The following RNF130 variants were observed in gnomAD, a reference collection of about 807,000 sequenced individuals.
RNF130 encodes the protein ring finger protein 130.
Under a neutral mutation model 44.6 loss-of-function variants are expected in RNF130, and 21 were observed. The ratio of observed to expected loss-of-function variants is 0.47; its 90% CI spans 0.33 to 0.68. RNF130 has a LOEUF of 0.68. Among genes scored for constraint, RNF130 ranks in the 30% least tolerant of loss-of-function variants. The pLI is 0.02. For missense variants in RNF130, 479 were observed against 560.6 expected, an observed-to-expected ratio of 0.85 and a Z score of 1.47; for synonymous variants, 214 against 210.4, an observed-to-expected ratio of 1.02 and a Z score of -0.15.
chr5:180,045,530 C>T (rs1764543335), intron 1 of RNF130, among the ~76,000 whole-genome samples: 1 of 152,248 alleles, frequency 6.6e-6, no homozygotes, highest in African/African-American at 2.4e-5. Context: ...AAGTGGACCT[C>T]TGCACGTTGC....
At chr5:179,945,774 C>T (rs994073826) in intron 7 of RNF130, among the ~76,000 whole-genome samples, 18 of 152,116 alleles carry the variant, frequency 1.2e-4, no homozygotes, top group Admixed American at 4.6e-4. Context: ...CTAAATACTA[C>T]GCGCCGCTGC....
rs373694953 is a variant in RNF130 at position 179,992,728 on chromosome 5, AT to A, written c.694-12529del. 1.1e-4 allele frequency among the ~76,000 whole-genome samples: 16 copies of A among 151,902 alleles called. No homozygotes were observed. The East Asian group carries it at 2.1e-3, about 20-fold the overall frequency. On this transcript the variant is annotated intron_variant, in intron 3 of 8. Transcript: ENST00000521389. ...GATTATTTTTTATTTTTTATGGTTT[AT>A]TTATTATTATTATACTTTAAGTTCT...
chr5:179,918,715 A>G (rs528342287), exon 8 of RNF130: 1 of 152,350 alleles, frequency 6.6e-6, no homozygotes, highest in East Asian at 1.9e-4. Flanking sequence ...GGTAAAAGGT[A>G]AAACACAAAA....
At chr5:180,067,443 TA>T in intron 1 of RNF130, among the ~76,000 whole-genome samples, 1 of 152,238 alleles carries the variant, frequency 6.6e-6, no homozygotes, top group Admixed American at 6.5e-5. Flanking sequence ...TCAGAGGCAG[TA>T]AATGTAGATA....
At chr5:179,972,170 C>G (rs1762599975) in intron 5 of RNF130, among the ~76,000 whole-genome samples, 1 of 152,186 alleles carries the variant, frequency 6.6e-6, no homozygotes, top group South Asian at 2.1e-4. Flanking sequence ...CCAGGGCCAG[C>G]TGGACTTTCC....
At chr5:179,913,971 G>T (rs1010935594) in exon 8 of RNF130, 1 of 152,286 alleles carries the variant, frequency 6.6e-6, no homozygotes, top group Non-Finnish European at 1.5e-5. Flanking sequence ...TAGGCACCTT[G>T]TCCCCACCTG....
intron 1 of RNF130, among the ~76,000 whole-genome samples, chr5:180,042,825 C>G (rs1034242851): frequency 1.3e-5 from 2 of 152,178 alleles, no homozygotes; most frequent in Admixed American, 1.3e-4. Context: ...CCTGTGGTCT[C>G]GCATACATGC....
At chr5:179,972,083 A>G (rs1006799003) in intron 5 of RNF130, among the ~76,000 whole-genome samples, 9 of 152,186 alleles carry the variant, frequency 5.9e-5, no homozygotes, top group South Asian at 2.1e-4. Context: ...CCCCAGATAC[A>G]TTCAGTACAC....
chr5:180,002,396 G>T (rs561694694), intron 3 of RNF130, among the ~76,000 whole-genome samples: 4 of 152,194 alleles, frequency 2.6e-5, no homozygotes, highest in African/African-American at 9.7e-5. Context: ...CTTAGCCTTA[G>T]GGACAAAGGG....
At chr5:179,939,091 T>A (rs1268583477) in intron 7 of RNF130, among the ~76,000 whole-genome samples, 7 of 152,004 alleles carry the variant, frequency 4.6e-5, no homozygotes, top group Non-Finnish European at 1.0e-4. Flanking sequence ...TAGCCGGGCA[T>A]GTTTAGTCCC....
At chr5:180,069,249 A>T (rs1245219900) in intron 1 of RNF130, among the ~76,000 whole-genome samples, 1 of 152,210 alleles carries the variant, frequency 6.6e-6, no homozygotes, top group Admixed American at 6.5e-5. Flanking sequence ...GGATTTTTTT[A>T]AATCTGTTTT....
chr5:179,926,258 G>A (rs146279609), intron 7 of RNF130, among the ~76,000 whole-genome samples: 4 of 152,284 alleles, frequency 2.6e-5, no homozygotes, highest in East Asian at 1.9e-4. Context: ...TCATGTGCCC[G>A]ACTACAGCCA....
At chr5:180,054,789 C>T (rs4700854) in intron 1 of RNF130, among the ~76,000 whole-genome samples, 121,573 of 152,146 alleles carry the variant, frequency 0.8, 48,785 homozygotes, top group South Asian at 0.93. Flanking sequence ...GGCACAGGTA[C>T]CTTAACAAAA....
At chr5:180,021,296 A>G (rs770003857) in intron 2 of RNF130, among the ~76,000 whole-genome samples, 5 of 152,084 alleles carry the variant, frequency 3.3e-5, no homozygotes, top group Non-Finnish European at 7.4e-5. Context: ...CCAAAATCTA[A>G]ATTTCTAAAC....
chr5:179,967,035 A>G, intron 6 of RNF130, 25 bp from the exon 7 acceptor site: 1 of 1,590,764 alleles, frequency 6.3e-7, no homozygotes, highest in Non-Finnish European at 8.6e-7. Flanking sequence ...CAGGTTAAAA[A>G]TAATTGTAAG....
chr5:180,029,642 G>A (rs1274464818), intron 2 of RNF130, among the ~76,000 whole-genome samples: 1 of 152,074 alleles, frequency 6.6e-6, no homozygotes, highest in Non-Finnish European at 1.5e-5. Context: ...TTGCTTTTGT[G>A]AACAATACAG....
intron 1 of RNF130, among the ~76,000 whole-genome samples, chr5:180,059,044 T>C (rs1764907554): frequency 2.0e-5 from 3 of 152,178 alleles, no homozygotes; most frequent in South Asian, 2.1e-4. Flanking sequence ...ATTCCTCTTA[T>C]ATAAAGTCCA....
At chr5:179,963,079 A>G (rs2113700139) in intron 8 of RNF130, among the ~76,000 whole-genome samples, 1 of 152,328 alleles carries the variant, frequency 6.6e-6, no homozygotes, top group South Asian at 2.1e-4. Flanking sequence ...CTTCCCCAGA[A>G]GCTAGACATG....
At chr5:179,928,501 CTCTT>C (rs1282965437) in intron 7 of RNF130, among the ~76,000 whole-genome samples, 3 of 152,106 alleles carry the variant, frequency 2.0e-5, no homozygotes, top group Non-Finnish European at 4.4e-5. Flanking sequence ...TCTGAAATGT[CTCTT>C]TGTTTCTTTT....
Sources: allele counts gnomAD v4.1 joint callset (sites outside exome capture counted in the v4.1 genomes callset), GRCh38; gene constraint gnomAD v4.1.1; transcripts MANE v1.5; gene names NCBI Gene and HGNC (gene_info 2026-07-23, HGNC 2026-07-21).